Variants in ABHD17C observed in about 807,000 individuals in gnomAD.
The protein encoded by ABHD17C is abhydrolase domain containing 17C, depalmitoylase.
Under a neutral mutation model 27.9 loss-of-function variants are expected in ABHD17C, and 11 were observed. The ratio of observed to expected loss-of-function variants is 0.39; its 90% CI spans 0.25 to 0.65. The LOEUF is 0.65. Ranked by LOEUF, ABHD17C falls within the 30% of genes least tolerant of loss-of-function variation. The pLI, the probability that ABHD17C is intolerant of heterozygous loss-of-function variation, is 0.45. For synonymous variants in ABHD17C, 233 were observed against 209.1 expected, an observed-to-expected ratio of 1.11 and a Z score of -0.98; for missense variants, 280 against 470.2, an observed-to-expected ratio of 0.60 and a Z score of 3.74.
chr15:80,712,653 C>T (rs1379872341), intron 1 of ABHD17C, among the ~76,000 whole-genome samples: 1 of 152,164 alleles, frequency 6.6e-6, no homozygotes, highest in Non-Finnish European at 1.5e-5. Context: ...CAGTGTAGTA[C>T]AGCCCTCCAT....
intron 1 of ABHD17C, among the ~76,000 whole-genome samples, chr15:80,726,420 A>AAT (rs1388040865): frequency 6.6e-6 from 1 of 151,600 alleles, no homozygotes; most frequent in African/African-American, 2.4e-5. Context: ...AGTAGTTTAG[A>AAT]AAAGATTTTT....
chr15:80,749,844 C>T (rs1308480041), intron 2 of ABHD17C, among the ~76,000 whole-genome samples, 152 bp downstream of exon 2: 1 of 152,196 alleles, frequency 6.6e-6, no homozygotes. Flanking sequence ...GCAAATATGA[C>T]ACACACTGTC....
intron 1 of ABHD17C, among the ~76,000 whole-genome samples, chr15:80,713,190 G>A (rs1316296005): frequency 6.6e-6 from 1 of 151,570 alleles, no homozygotes; most frequent in African/African-American, 2.4e-5. Flanking sequence ...GCTCTCAGGC[G>A]CAGTGATGAG....
In ABHD17C at chr15:80,714,669, G is replaced by GT. The variant is rs1450078862; in HGVS notation, c.590+18656dup. On this transcript the variant is annotated intron_variant, in intron 1 of 2. Transcript: ENST00000258884. ...GGCTTAATATTTATTATTTTTCATT[G>GT]TTTTTTGTGTGTTTTCAATTTCTGT... Among the ~76,000 whole-genome samples the GT allele has an allele frequency of 5.9e-5, 9 of 152,248 alleles. No individual in the cohort carries two copies. In the East Asian group the frequency reaches 1.3e-3, roughly 23 times the overall value.
chr15:80,723,437 C>T (rs1165267802), intron 1 of ABHD17C, among the ~76,000 whole-genome samples: 1 of 152,048 alleles, frequency 6.6e-6, no homozygotes, highest in Non-Finnish European at 1.5e-5. Flanking sequence ...TTTGGTGTCC[C>T]ATAAGGAAGG....
intron 1 of ABHD17C, among the ~76,000 whole-genome samples, chr15:80,744,847 G>A (rs549925926): frequency 1.2e-4 from 18 of 152,164 alleles, no homozygotes; most frequent in Non-Finnish European, 2.2e-4. Context: ...ATGTAATTGT[G>A]GCCCTGTTTT....
chr15:80,695,990 C>G lies in ABHD17C; in HGVS notation c.561C>G (p.Ile187Met). The stretch of plus-strand genomic sequence containing the variant: ...CCGAGAAGAACCTCTACGCCGACAT[C>G]GACGCCGCGTGGCAGGCGCTGCGCA... The part of the protein sequence containing the change: ...KPSEKNLYAD[I>M]DAAWQALRTR... The change falls in exon 1 of 3, where the codon ATC becomes ATG. Residue 187 changes from isoleucine (I) to methionine (M), a missense_variant. Physicochemically the swap from Ile to Met is conservative, Grantham distance 10. Coordinates refer to ENST00000258884, the MANE Select transcript of ABHD17C (RefSeq NM_021214.2). The surrounding 1 kb of genome is among the most constrained non-coding windows in gnomAD (Gnocchi z 4.3). 1 of 1,583,348 alleles carries G rather than the reference C, an allele frequency of 6.3e-7. No homozygotes were observed. The highest frequency in any genetic ancestry group is 8.5e-7 in the Non-Finnish European group (1 of 1,172,624).
chr15:80,749,482 G>A (rs1895338492), intron 1 of ABHD17C, 31 bp from the exon 2 acceptor site: 1 of 1,606,152 alleles, frequency 6.2e-7, no homozygotes, highest in South Asian at 1.1e-5. Flanking sequence ...TCATACCTTA[G>A]CTAATGGCAT....
intron 1 of ABHD17C, among the ~76,000 whole-genome samples, chr15:80,706,587 CA>C (rs570100032): frequency 1.1e-4 from 16 of 152,258 alleles, no homozygotes; most frequent in African/African-American, 3.9e-4. Flanking sequence ...AATATATCCA[CA>C]AAAAGTGAGT....
At chr15:80,730,500 C>G in intron 1 of ABHD17C, among the ~76,000 whole-genome samples, 1 of 152,234 alleles carries the variant, frequency 6.6e-6, no homozygotes, top group East Asian at 1.9e-4. Context: ...CGCAGTTCTA[C>G]TTCTGTAGCT....
At chr15:80,705,362 T>TGTGTGTGTGTGTGTGG (rs776574776) in intron 1 of ABHD17C, among the ~76,000 whole-genome samples, 83 of 150,736 alleles carry the variant, frequency 5.5e-4, no homozygotes, top group African/African-American at 1.8e-3. Flanking sequence ...TGTGTGTGTG[T>TGTGTGTGTGTGTGTGG]GTGTGGTTAG....
intron 1 of ABHD17C, among the ~76,000 whole-genome samples, chr15:80,725,812 T>TTTTG (rs74801112): frequency 5.5e-4 from 83 of 151,122 alleles, no homozygotes; most frequent in East Asian, 7.8e-4. Context: ...ACCAGCAGTT[T>TTTTG]TTTGTTTGTT....
At chr15:80,702,569 C>T (rs1364060058) in intron 1 of ABHD17C, 2 of 152,184 alleles carry the variant, frequency 1.3e-5, no homozygotes, top group Non-Finnish European at 2.9e-5. Context: ...TCATTCCCTA[C>T]CTTATATTAC....
intron 1 of ABHD17C, among the ~76,000 whole-genome samples, chr15:80,739,444 A>AC (rs1285587375): frequency 6.6e-6 from 1 of 152,012 alleles, no homozygotes; most frequent in African/African-American, 2.4e-5. Flanking sequence ...TTGAAATGTG[A>AC]CCCCCAGTGT....
chr15:80,728,034 A>G (rs1303988498), intron 1 of ABHD17C, among the ~76,000 whole-genome samples: 3 of 152,136 alleles, frequency 2.0e-5, no homozygotes, highest in Admixed American at 1.3e-4. Flanking sequence ...TCTGCTGCCT[A>G]AGAGCGTTGT....
At chr15:80,699,938 A>G (rs1894548117) in intron 1 of ABHD17C, among the ~76,000 whole-genome samples, 1 of 152,238 alleles carries the variant, frequency 6.6e-6, no homozygotes, top group Non-Finnish European at 1.5e-5. Flanking sequence ...ATTACTGGTA[A>G]GAAATATAAG....
At chr15:80,717,242 G>C (rs1433949492) in intron 1 of ABHD17C, among the ~76,000 whole-genome samples, 1 of 121,914 alleles carries the variant, frequency 8.2e-6, no homozygotes. Context: ...AGGCCAGTGA[G>C]CATTTGATGG....
chr15:80,724,301 C>G (rs1292174465), intron 1 of ABHD17C, among the ~76,000 whole-genome samples: 1 of 152,130 alleles, frequency 6.6e-6, no homozygotes, highest in African/African-American at 2.4e-5. Context: ...GCACTCCAGC[C>G]TGGGCAACAG....
intron 1 of ABHD17C, among the ~76,000 whole-genome samples, chr15:80,747,564 G>A (rs938677202): frequency 2.6e-5 from 4 of 152,074 alleles, no homozygotes; most frequent in Admixed American, 1.3e-4. Flanking sequence ...TGTGGATTTG[G>A]GCACAGGATG....
Sources: gnomAD v4.1 joint callset for allele counts (sites outside exome capture counted in the v4.1 genomes callset) on GRCh38, gnomAD v4.1.1 for gene constraint, Gnocchi (gnomAD v3.1) non-coding constraint, MANE v1.5 for transcripts, NCBI Gene and HGNC (gene_info 2026-07-23, HGNC 2026-07-21) for gene names.